OPCML: variants seen among roughly 807,000 people sequenced by gnomAD.
OPCML encodes opioid-binding protein/cell adhesion molecule.
OPCML carries 13 observed loss-of-function variants against 37.8 expected under a neutral mutation model. The observed-to-expected ratio is 0.34, with a 90% CI of 0.22 to 0.55. The LOEUF (loss-of-function observed/expected upper bound fraction) is 0.55, where lower values mean the gene tolerates loss of function less well. OPCML is among the 20% of genes least tolerant of loss of function. The pLI is 0.91. For missense variants in OPCML, 341 were observed against 435.6 expected (o/e 0.78, Z 1.93); for synonymous variants, 176 against 168.8 (o/e 1.04, Z -0.33).
chr11:132,835,076 C>A (rs1007435119), intron 2 of OPCML, among the ~76,000 whole-genome samples: 3 of 151,850 alleles, frequency 2.0e-5, no homozygotes, highest in Non-Finnish European at 4.4e-5. Context: ...AAATTGATTT[C>A]ATCAGCTCCA....
At chr11:133,040,735 C>A (rs147748919) in intron 1 of OPCML, among the ~76,000 whole-genome samples, 1 of 151,876 alleles carries the variant, frequency 6.6e-6, no homozygotes, top group East Asian at 1.9e-4. Flanking sequence ...CAGAGCTGCA[C>A]GTATGTGACT....
intron 2 of OPCML, among the ~76,000 whole-genome samples, chr11:132,812,670 G>A (rs1394668629): frequency 6.6e-6 from 1 of 152,154 alleles, no homozygotes; most frequent in Non-Finnish European, 1.5e-5. Context: ...TCTACTTCCA[G>A]CTACATTTAA....
At chr11:132,922,040 C>T (rs567788039) in intron 2 of OPCML, among the ~76,000 whole-genome samples, 4 of 151,936 alleles carry the variant, frequency 2.6e-5, no homozygotes, top group African/African-American at 4.8e-5. Context: ...CCACTGCGCC[C>T]GGCTAATTTT....
intron 1 of OPCML, among the ~76,000 whole-genome samples, chr11:133,184,617 C>A (rs1019992664): frequency 6.6e-6 from 1 of 152,136 alleles, no homozygotes; most frequent in African/African-American, 2.4e-5. Context: ...ATCTATAAAA[C>A]CCAGGTCCAT....
intron 3 of OPCML, among the ~76,000 whole-genome samples, chr11:132,653,375 G>T (rs1487770967): frequency 6.6e-6 from 1 of 152,148 alleles, no homozygotes; most frequent in Non-Finnish European, 1.5e-5. Flanking sequence ...AGTCACTCCT[G>T]CCTGCGCTTG....
rs559047543 is a variant in OPCML, at chr11:133,379,299, G to C, written c.61+152965C>G. Among the ~76,000 whole-genome samples, 6 of 152,274 alleles carry C rather than the reference G, an allele frequency of 3.9e-5. No individual in the cohort carries two copies. In the East Asian group the frequency reaches 1.2e-3, roughly 29 times the overall value. On this transcript the variant is annotated intron_variant, in intron 1 of 7. Transcript: ENST00000524381. Reference sequence around the variant, plus strand: ...TGTTATCCCTTTCTTACCTATGGATGCTCTGGTCTTCTACACCCCTGTGCG... The same window carrying C: ...TGTTATCCCTTTCTTACCTATGGATCCTCTGGTCTTCTACACCCCTGTGCG...
At chr11:132,523,883 G>T (rs1211475535) in intron 4 of OPCML, among the ~76,000 whole-genome samples, 1 of 152,180 alleles carries the variant, frequency 6.6e-6, no homozygotes, top group Non-Finnish European at 1.5e-5. Flanking sequence ...GTATGAAATA[G>T]CTCATGCACT....
intron 2 of OPCML, among the ~76,000 whole-genome samples, chr11:132,773,529 G>A (rs889824663): frequency 1.3e-5 from 2 of 152,142 alleles, no homozygotes; most frequent in Admixed American, 6.5e-5. Flanking sequence ...CCGACAAAAA[G>A]CAGCAATAGA....
At chr11:132,477,588 T>A (rs560630883) in intron 4 of OPCML, among the ~76,000 whole-genome samples, 1 of 152,328 alleles carries the variant, frequency 6.6e-6, no homozygotes, top group Admixed American at 6.5e-5. Context: ...TGTCCCTGTT[T>A]TTAAATGTAA....
intron 2 of OPCML, among the ~76,000 whole-genome samples, chr11:132,833,144 T>C (rs1940800221): frequency 6.6e-6 from 1 of 151,990 alleles, no homozygotes; most frequent in Admixed American, 6.6e-5. Flanking sequence ...TTTTAAAATA[T>C]ATATAGTTTA....
At chr11:133,315,164 T>G (rs1180874590) in intron 1 of OPCML, among the ~76,000 whole-genome samples, 2 of 152,226 alleles carry the variant, frequency 1.3e-5, no homozygotes, top group Non-Finnish European at 2.9e-5. Flanking sequence ...AATGAGGCTT[T>G]CAGACAGGTC....
At chr11:132,762,011 T>C (rs1166222682) in intron 2 of OPCML, among the ~76,000 whole-genome samples, 2 of 152,224 alleles carry the variant, frequency 1.3e-5, no homozygotes, top group Admixed American at 1.3e-4. Flanking sequence ...GTCTTTTTTG[T>C]TGATGTTGAT....
intron 2 of OPCML, among the ~76,000 whole-genome samples, chr11:132,789,198 C>A (rs140679491): frequency 3.7e-4 from 57 of 152,324 alleles, no homozygotes; most frequent in African/African-American, 1.3e-3. Context: ...TCTCTGATAA[C>A]ACCCCACATA....
intron 1 of OPCML, among the ~76,000 whole-genome samples, chr11:133,194,666 T>A (rs1320077376): frequency 1.3e-5 from 2 of 152,172 alleles, no homozygotes; most frequent in Non-Finnish European, 2.9e-5. Context: ...TATAGCAAGT[T>A]TATAAAACAC....
At chr11:132,677,952 A>T (rs1942783092) in intron 2 of OPCML, among the ~76,000 whole-genome samples, 1 of 152,220 alleles carries the variant, frequency 6.6e-6, no homozygotes, top group Admixed American at 6.5e-5. Context: ...CACTGTCAAA[A>T]GAATTCAAAG....
chr11:132,838,687 T>C (rs1228176689), intron 2 of OPCML, among the ~76,000 whole-genome samples: 1 of 152,238 alleles, frequency 6.6e-6, no homozygotes, highest in Non-Finnish European at 1.5e-5. Context: ...TATTTTTTTA[T>C]TGTGCAAGGA....
chr11:133,035,706 AC>A (rs1325390781), intron 1 of OPCML, among the ~76,000 whole-genome samples: 1 of 152,086 alleles, frequency 6.6e-6, no homozygotes, highest in East Asian at 1.9e-4. Flanking sequence ...TTGGAGATGG[AC>A]CTTTAAAGAG....
chr11:132,615,494 A>T lies in OPCML; in HGVS notation c.379+41593T>A, dbSNP rs548372857. Among the ~76,000 whole-genome samples the T allele has an allele frequency of 2.0e-5, 3 of 152,344 alleles. 1 individual carries two copies. Among genetic ancestry groups the T allele is most frequent in the African/African-American group, 7.2e-5 (3 of 41,576 alleles). ...TGTCCACAGATTTAACCAACCACAGAAATACAGCAATAAAAATAACCATAT... is the reference window on the plus strand; with the variant it reads ...TGTCCACAGATTTAACCAACCACAGTAATACAGCAATAAAAATAACCATAT... On this transcript the variant is annotated intron_variant, in intron 3 of 7. Transcript: ENST00000524381.
intron 4 of OPCML, among the ~76,000 whole-genome samples, chr11:132,445,956 G>C (rs1004249415): frequency 6.6e-6 from 1 of 152,096 alleles, no homozygotes; most frequent in Non-Finnish European, 1.5e-5. Flanking sequence ...TCAGGAAAAA[G>C]AAATCTTGTG....
Sources: gnomAD v4.1 joint callset for allele counts (sites outside exome capture counted in the v4.1 genomes callset) on GRCh38, gnomAD v4.1.1 for gene constraint, MANE v1.5 for transcripts, NCBI Gene and HGNC (gene_info 2026-07-23, HGNC 2026-07-21) for gene names.